Variants in LDLRAD4 observed in about 807,000 individuals in gnomAD.
The protein encoded by LDLRAD4 is low density lipoprotein receptor class A domain containing 4, also known as low-density lipoprotein receptor class A domain-containing protein 4.
In LDLRAD4, 5 loss-of-function variants were observed where a neutral mutation model predicts 17.0. The ratio of observed to expected loss-of-function variants is 0.29; its 90% CI spans 0.15 to 0.62. The LOEUF is 0.62. LDLRAD4 is among the 20% of genes least tolerant of loss of function. LDLRAD4 has a pLI of 0.84. For synonymous variants in LDLRAD4, 168 were observed against 171.8 expected (o/e 0.98, Z 0.17); for missense variants, 340 against 424.7 (o/e 0.80, Z 1.75).
chr18:13,278,711 A>G (rs540584334), intron 1 of LDLRAD4, among the ~76,000 whole-genome samples: 1 of 152,170 alleles, frequency 6.6e-6, no homozygotes, highest in Non-Finnish European at 1.5e-5. Flanking sequence ...CTCATTGCTT[A>G]TGGGAAATCC....
intron 1 of LDLRAD4, among the ~76,000 whole-genome samples, chr18:13,278,568 C>T (rs1359809867): frequency 6.6e-6 from 1 of 152,210 alleles, no homozygotes; most frequent in Non-Finnish European, 1.5e-5. Context: ...TATTCTGTCT[C>T]ATTGTCAGGC....
At position 13,398,204 on chromosome 18, in the gene LDLRAD4, A is replaced by G. The variant is rs755342696; in HGVS notation, c.40+10442A>G. ...GCAGGAGGCTGAAGCGCCGAACCCAACGCAAATACTAAGCATTTGATGGGG... is the reference window on the plus strand; with the variant it reads ...GCAGGAGGCTGAAGCGCCGAACCCAGCGCAAATACTAAGCATTTGATGGGG... On this transcript the variant is annotated intron_variant, in intron 2 of 5. Transcript: ENST00000359446. This position sits in a 1 kb window ranked among gnomAD's most constrained non-coding sequence, Gnocchi z 4.8. Among the ~76,000 whole-genome samples, 12 of 152,192 alleles carry G rather than the reference A, an allele frequency of 7.9e-5. No homozygotes were observed. Among genetic ancestry groups the G allele is most frequent in the Non-Finnish European group, 1.5e-4 (10 of 68,038 alleles).
intron 3 of LDLRAD4, among the ~76,000 whole-genome samples, chr18:13,607,016 G>A (rs1231737693): frequency 1.3e-5 from 2 of 152,194 alleles, no homozygotes; most frequent in Non-Finnish European, 2.9e-5. Flanking sequence ...GGGTAATCAG[G>A]CTAAAAAAAT....
intron 4 of LDLRAD4, among the ~76,000 whole-genome samples, chr18:13,640,388 C>T (rs559237876): frequency 5.1e-4 from 78 of 151,602 alleles, no homozygotes; most frequent in African/African-American, 1.8e-3. Flanking sequence ...TTTGCTGTTA[C>T]ATTCCTGCAA....
At chr18:13,265,842 A>G (rs1213490805) in intron 1 of LDLRAD4, among the ~76,000 whole-genome samples, 1 of 152,042 alleles carries the variant, frequency 6.6e-6, no homozygotes, top group African/African-American at 2.4e-5. Flanking sequence ...TCAGGCCTCC[A>G]GGGGTCTTCC....
rs1345394665 is a variant in LDLRAD4, at chr18:13,398,686, G to A, written c.40+10924G>A. Among the ~76,000 whole-genome samples, 1 of 152,092 alleles carries A rather than the reference G, an allele frequency of 6.6e-6. No homozygotes were observed. Among genetic ancestry groups the A allele is most frequent in the African/African-American group, 2.4e-5 (1 of 41,410 alleles). ...AATGCTCTGTTGATGTGGGTTTGGC[G>A]CTCACAGAGAGGATAGGCAGTGTGC... On this transcript the variant is annotated intron_variant, in intron 2 of 5. Transcript: ENST00000359446. This position sits in a 1 kb window ranked among gnomAD's most constrained non-coding sequence, Gnocchi z 4.8.
intron 3 of LDLRAD4, among the ~76,000 whole-genome samples, chr18:13,557,044 C>T (rs2094491092): frequency 6.6e-6 from 1 of 152,078 alleles, no homozygotes; most frequent in African/African-American, 2.4e-5. Flanking sequence ...CCTGTAATCC[C>T]AACACTTTGG....
chr18:13,586,090 A>G (rs1166341192), intron 3 of LDLRAD4, among the ~76,000 whole-genome samples: 2 of 152,212 alleles, frequency 1.3e-5, no homozygotes, highest in Non-Finnish European at 2.9e-5. Context: ...TGCAACCTAG[A>G]TGTTGAAAAA....
intron 3 of LDLRAD4, chr18:13,613,970 T>G (rs2148741924): frequency 6.6e-6 from 1 of 152,368 alleles, no homozygotes; most frequent in East Asian, 1.9e-4. Flanking sequence ...GGCTCTTTTC[T>G]CAGTGACAGA....
intron 1 of LDLRAD4, among the ~76,000 whole-genome samples, chr18:13,321,857 G>A (rs1400279994): frequency 4.0e-4 from 19 of 47,696 alleles, no homozygotes; most frequent in Admixed American, 1.1e-3. Context: ...GCGAGACTCC[G>A]TCTCAAAAAA....
At chr18:13,223,106 C>T (rs1204603483) in intron 1 of LDLRAD4, among the ~76,000 whole-genome samples, 1 of 152,210 alleles carries the variant, frequency 6.6e-6, no homozygotes, top group Non-Finnish European at 1.5e-5. Flanking sequence ...TTTGCGGACA[C>T]ACAGCTCATG....
intron 3 of LDLRAD4, among the ~76,000 whole-genome samples, chr18:13,480,651 T>C (rs1466729690): frequency 6.6e-6 from 1 of 152,128 alleles, no homozygotes; most frequent in Non-Finnish European, 1.5e-5. Flanking sequence ...GTGCGTGTGT[T>C]GGGGGTGGGA....
intron 3 of LDLRAD4, among the ~76,000 whole-genome samples, chr18:13,531,852 G>T (rs1442793195): frequency 6.6e-6 from 1 of 152,080 alleles, no homozygotes; most frequent in African/African-American, 2.4e-5. Flanking sequence ...GGGCGGGAGC[G>T]GCCATATGCA....
chr18:13,631,173 G>T (rs1361489439), intron 4 of LDLRAD4, among the ~76,000 whole-genome samples: 1 of 152,138 alleles, frequency 6.6e-6, no homozygotes, highest in African/African-American at 2.4e-5. Context: ...GAGATGTACT[G>T]GTTGGAAGAA....
chr18:13,602,905 C>T (rs1354475055), intron 3 of LDLRAD4, among the ~76,000 whole-genome samples: 1 of 152,024 alleles, frequency 6.6e-6, no homozygotes, highest in Non-Finnish European at 1.5e-5. Context: ...GAACAGGTTC[C>T]AAGGAATCCT....
intron 1 of LDLRAD4, among the ~76,000 whole-genome samples, chr18:13,382,332 G>C (rs1404527675): frequency 6.6e-6 from 1 of 152,132 alleles, no homozygotes. Context: ...TTGTATTCCT[G>C]AATGACTCTG....
At chr18:13,364,284 A>G (rs1364062235) in intron 1 of LDLRAD4, among the ~76,000 whole-genome samples, 1 of 152,182 alleles carries the variant, frequency 6.6e-6, no homozygotes, top group African/African-American at 2.4e-5. Flanking sequence ...CCCACAGTGA[A>G]CATCATTGCC....
intron 1 of LDLRAD4, among the ~76,000 whole-genome samples, chr18:13,333,961 A>C (rs1321815111): frequency 6.6e-6 from 1 of 152,218 alleles, no homozygotes; most frequent in African/African-American, 2.4e-5. Flanking sequence ...TTTTGATTGC[A>C]ATTGCATTGA....
chr18:13,443,901 C>T (rs138492536), intron 3 of LDLRAD4, among the ~76,000 whole-genome samples: 244 of 152,280 alleles, frequency 1.6e-3, no homozygotes, highest in Non-Finnish European at 2.3e-3. Flanking sequence ...CAGGTGTGAA[C>T]GCTGTGTGTG....
Sources: gnomAD v4.1 joint callset for allele counts (sites outside exome capture counted in the v4.1 genomes callset) on GRCh38, gnomAD v4.1.1 for gene constraint, Gnocchi (gnomAD v3.1) non-coding constraint, MANE v1.5 for transcripts, NCBI Gene and HGNC (gene_info 2026-07-23, HGNC 2026-07-21) for gene names.